RPA1: variants seen among roughly 807,000 people sequenced by gnomAD.
RPA1 encodes the protein replication protein A1.
A neutral mutation model predicts 83.0 loss-of-function variants in RPA1; 49 were observed. The ratio of observed to expected loss-of-function variants is 0.59; its 90% CI spans 0.47 to 0.75. The LOEUF is 0.75. Among genes scored for constraint, RPA1 ranks in the 30% least tolerant of loss-of-function variants. The probability of loss-of-function intolerance (pLI) is 0.00; values close to 1 mark genes in which losing one functional copy is unlikely to be tolerated. For synonymous variants in RPA1, 279 were observed against 281.8 expected (o/e 0.99, Z 0.10); for missense variants, 693 against 776.1 (o/e 0.89, Z 1.27).
chr17:1,880,292 TCTTA>T (rs1366393043), intron 11 of RPA1, among the ~76,000 whole-genome samples: 7 of 152,312 alleles, frequency 4.6e-5, no homozygotes, highest in Non-Finnish European at 1.5e-5. Flanking sequence ...AAATCCTTTA[TCTTA>T]CTTCTGTGAG....
In RPA1 at chr17:1,875,590, T is replaced by C; in HGVS notation, c.455-71T>C. ...GTGGCACCTCCAAAATTTAGAGTTA[T>C]TGTAAAGCTTACTATAAAAAAGCTA... On this transcript the variant is annotated intron_variant, in intron 6 of 16. Coordinates refer to ENST00000254719, the MANE Select transcript of RPA1 (RefSeq NM_002945.5). 3 of 1,514,744 alleles carry C rather than the reference T, an allele frequency of 2.0e-6. No individual in the cohort carries two copies. In the South Asian group the frequency reaches 3.9e-5, roughly 20 times the overall value. 93.8% of individuals were successfully genotyped at this position (1,514,744 alleles called of 1,614,324 possible). A position where few individuals can be genotyped will look rare whatever the true frequency, so the allele number is the denominator to read the frequency against.
chr17:1,866,251 CA>C (rs987537098), intron 5 of RPA1, among the ~76,000 whole-genome samples: 5 of 151,806 alleles, frequency 3.3e-5, no homozygotes, highest in Non-Finnish European at 5.9e-5. Flanking sequence ...CAAAAAACAA[CA>C]AAAAAATTTT....
At chr17:1,874,395 A>C (rs1913505340) in intron 6 of RPA1, among the ~76,000 whole-genome samples, 1 of 152,176 alleles carries the variant, frequency 6.6e-6, no homozygotes, top group South Asian at 2.1e-4. Flanking sequence ...AGTCCCAGCT[A>C]CTCAAGAAGC....
chr17:1,888,257 C>T (rs190565085), intron 13 of RPA1, among the ~76,000 whole-genome samples: 22 of 152,258 alleles, frequency 1.4e-4, no homozygotes, highest in African/African-American at 5.1e-4. Context: ...GATGGTTGAT[C>T]GTTGCTGCAC....
intron 6 of RPA1, among the ~76,000 whole-genome samples, chr17:1,873,948 G>A (rs1321785879): frequency 7.1e-6 from 1 of 139,882 alleles, no homozygotes; most frequent in Admixed American, 7.7e-5. Context: ...AGCCAAGTTT[G>A]CGCCAGTGCC....
chr17:1,851,071 A>G (rs1912478195), intron 4 of RPA1, among the ~76,000 whole-genome samples: 1 of 152,172 alleles, frequency 6.6e-6, no homozygotes, highest in South Asian at 2.1e-4. Context: ...GTTTTGCTCT[A>G]GCTCCATCCT....
chr17:1,861,987 C>T (rs1912990284), intron 5 of RPA1, among the ~76,000 whole-genome samples: 1 of 151,936 alleles, frequency 6.6e-6, no homozygotes, highest in African/African-American at 2.4e-5. Context: ...GCAAGCTCCA[C>T]CTCCCGGATT....
intron 5 of RPA1, among the ~76,000 whole-genome samples, chr17:1,859,248 C>G (rs750828393): frequency 6.6e-6 from 1 of 152,134 alleles, no homozygotes; most frequent in Non-Finnish European, 1.5e-5. Flanking sequence ...TTGGTAAATT[C>G]TGTGTGTACT....
In RPA1 at chr17:1,898,114, CAATT is replaced by C. The variant is rs1236329599; in HGVS notation, c.*945_*948del. 2.0e-5 allele frequency: 3 copies of C among 152,140 alleles called. No individual in the cohort carries two copies. The highest frequency in any genetic ancestry group is 7.2e-5 in the African/African-American group (3 of 41,416). The allele number at this position is 152,140 out of a possible 1,614,324, so 9.4% of individuals were successfully genotyped here. A position where few individuals can be genotyped will look rare whatever the true frequency, so the allele number is the denominator to read the frequency against. ...GCAAAGAGTTCCTATAACTGGAAAG[CAATT>C]AATTAGCCTTCATAATAAATGTTCA... On this transcript the variant is annotated 3_prime_UTR_variant, in exon 17 of 17. Transcript: ENST00000254719.
chr17:1,895,140 G>A lies in RPA1; in HGVS notation c.1746+45G>A, dbSNP rs367887747. ...GCAGGGTTGGTGGTGGGGAGGTGCT[G>A]TTTGTCACCTACGGCAGTGTCGTGA... On this transcript the variant is annotated intron_variant, in intron 16 of 16. Coordinates refer to ENST00000254719, the MANE Select transcript of RPA1 (RefSeq NM_002945.5). The A allele has an allele frequency of 2.7e-5, 40 of 1,474,358 alleles. No homozygotes were observed. In the African/African-American group the frequency reaches 4.0e-4, roughly 15 times the overall value. The allele number at this position is 1,474,358 out of a possible 1,614,324, so 91.3% of individuals were successfully genotyped here.
intron 1 of RPA1, among the ~76,000 whole-genome samples, chr17:1,835,528 T>C (rs1282155623): frequency 2.6e-5 from 4 of 152,132 alleles, no homozygotes; most frequent in Admixed American, 6.6e-5. Flanking sequence ...TACTTTTCTT[T>C]CATAAGTGAT....
At chr17:1,835,860 CAT>C (rs1192550101) in intron 1 of RPA1, among the ~76,000 whole-genome samples, 3 of 152,132 alleles carry the variant, frequency 2.0e-5, no homozygotes. Flanking sequence ...TGGTGGCTCA[CAT>C]GTGTACTCTC....
chr17:1,883,240 T>A (rs1290345764), intron 12 of RPA1, among the ~76,000 whole-genome samples: 2 of 152,120 alleles, frequency 1.3e-5, no homozygotes, highest in Non-Finnish European at 2.9e-5. Flanking sequence ...CACTGCAACC[T>A]CCGCCTCCTG....
chr17:1,837,388 G>T (rs1271382505), intron 1 of RPA1, among the ~76,000 whole-genome samples: 1 of 152,054 alleles, frequency 6.6e-6, no homozygotes, highest in Non-Finnish European at 1.5e-5. Context: ...TGCACATTTG[G>T]GTTATTTTCA....
At chr17:1,855,674 A>G (rs1839374567) in intron 5 of RPA1, among the ~76,000 whole-genome samples, 1 of 152,080 alleles carries the variant, frequency 6.6e-6, no homozygotes, top group Admixed American at 6.6e-5. Context: ...TACATCTCTG[A>G]TTTTGATACC....
chr17:1,838,813 A>C (rs1911927767), intron 1 of RPA1, among the ~76,000 whole-genome samples: 1 of 151,904 alleles, frequency 6.6e-6, no homozygotes, highest in Non-Finnish European at 1.5e-5. Flanking sequence ...ACACTATCCC[A>C]TTTCATTGAG....
At position 1,871,375 on chromosome 17, in the gene RPA1, A is replaced by C. The variant is rs557166992; in HGVS notation, c.362-1059A>C. On this transcript the variant is annotated intron_variant, in intron 5 of 16. Transcript: ENST00000254719. ...GCAGAAGTAAATTAAATCAGTGTGT[A>C]ATGTGCCCGTTTGAGTTAGGACCTT... Among the ~76,000 whole-genome samples, 4 of 152,334 alleles carry C rather than the reference A, an allele frequency of 2.6e-5. No individual in the cohort carries two copies. In the South Asian group the frequency reaches 8.3e-4, roughly 32 times the overall value.
intron 1 of RPA1, among the ~76,000 whole-genome samples, chr17:1,840,832 T>C (rs1912019226): frequency 6.6e-6 from 1 of 152,092 alleles, no homozygotes; most frequent in African/African-American, 2.4e-5. Flanking sequence ...TTTGGGAGGC[T>C]GAGGCGGGCA....
chr17:1,887,977 G>A (rs926154068), intron 13 of RPA1, among the ~76,000 whole-genome samples: 8 of 152,168 alleles, frequency 5.3e-5, no homozygotes, highest in African/African-American at 1.7e-4. Flanking sequence ...GTGAGCACCT[G>A]CTATTGGGAA....
Sources: allele counts gnomAD v4.1 joint callset (sites outside exome capture counted in the v4.1 genomes callset), GRCh38; gene constraint gnomAD v4.1.1; transcripts MANE v1.5; gene names NCBI Gene and HGNC (gene_info 2026-07-23, HGNC 2026-07-21).